Variants in MIPEP observed in about 807,000 individuals in gnomAD.
MIPEP encodes mitochondrial intermediate peptidase.
A neutral mutation model predicts 90.3 loss-of-function variants in MIPEP; 79 were observed. The ratio of observed to expected loss-of-function variants is 0.87; its 90% CI spans 0.73 to 1.05. The LOEUF (loss-of-function observed/expected upper bound fraction) is 1.05, where lower values mean the gene tolerates loss of function less well. Among genes scored for constraint, MIPEP ranks in the 50% least tolerant of loss-of-function variants. The pLI is 0.00. For synonymous variants in MIPEP, 334 were observed against 315.8 expected (o/e 1.06, Z -0.61); for missense variants, 940 against 905.6 (o/e 1.04, Z -0.49).
rs183894761 is a variant in MIPEP at position 23,831,537 on chromosome 13, C to G, written c.1653+4703G>C. Among the ~76,000 whole-genome samples the G allele has an allele frequency of 1.7e-3, 255 of 152,282 alleles. 1 individual carries two copies. The highest frequency in any genetic ancestry group is 4.6e-3 in the Admixed American group (71 of 15,304). ...GACTGGGCAACACATCCGGCAGCTC[C>G]TGGTGAGAGCCTTGTGCTGCATCAA... On this transcript the variant is annotated intron_variant, in intron 14 of 18. Transcript: ENST00000382172.
At chr13:23,857,416 A>T (rs757993271) in intron 10 of MIPEP, among the ~76,000 whole-genome samples, 2 of 152,200 alleles carry the variant, frequency 1.3e-5, no homozygotes, top group Non-Finnish European at 2.9e-5. Flanking sequence ...AAAAAAATTT[A>T]AAAATCAGCT....
intron 17 of MIPEP, among the ~76,000 whole-genome samples, chr13:23,758,226 A>G (rs1393477770): frequency 6.6e-6 from 1 of 152,058 alleles, no homozygotes; most frequent in Non-Finnish European, 1.5e-5. Flanking sequence ...CTGACCCTAA[A>G]TCAAATCCCT....
chr13:23,778,922 C>T (rs1952746302), intron 16 of MIPEP, among the ~76,000 whole-genome samples: 1 of 152,216 alleles, frequency 6.6e-6, no homozygotes, highest in Admixed American at 6.5e-5. Flanking sequence ...TCTGATTAAT[C>T]TCACTCTCCT....
chr13:23,831,721 A>G (rs192134897), intron 14 of MIPEP, among the ~76,000 whole-genome samples: 35 of 152,212 alleles, frequency 2.3e-4, no homozygotes, highest in South Asian at 8.3e-4. Context: ...GAGAGCTATT[A>G]CTCCATCTAA....
intron 14 of MIPEP, among the ~76,000 whole-genome samples, chr13:23,825,881 AGAGT>A (rs1228366923): frequency 6.6e-6 from 1 of 152,212 alleles, no homozygotes; most frequent in East Asian, 1.9e-4. Context: ...AAAAATTATG[AGAGT>A]GAGTATTAAC....
chr13:23,758,374 G>A (rs1031817965), intron 17 of MIPEP, among the ~76,000 whole-genome samples: 2 of 152,204 alleles, frequency 1.3e-5, no homozygotes, highest in Non-Finnish European at 1.5e-5. Flanking sequence ...CTAGTCTAGT[G>A]AGCATTTTTA....
chr13:23,760,275 T>C, intron 16 of MIPEP, 58 bp from the exon 17 acceptor site: 4 of 1,611,234 alleles, frequency 2.5e-6, no homozygotes, highest in Non-Finnish European at 8.5e-7. Flanking sequence ...TTGGAGAATA[T>C]CACATGTGAG....
chr13:23,844,201 C>T (rs867365304), intron 10 of MIPEP, among the ~76,000 whole-genome samples: 3 of 151,968 alleles, frequency 2.0e-5, no homozygotes, highest in South Asian at 4.2e-4. Context: ...GGGCAGACCC[C>T]TGAACTACCA....
chr13:23,760,215 G>A lies in MIPEP; in HGVS notation c.1851C>T (p.Ala617=). The A allele has an allele frequency of 6.2e-7, 1 of 1,614,044 alleles. No homozygotes were observed. Among genetic ancestry groups the A allele is most frequent in the Non-Finnish European group, 8.5e-7 (1 of 1,179,992 alleles). The change falls in exon 17 of 19, where the codon GCC becomes GCT. Residue 617 remains alanine, a splice_region_variant and synonymous_variant. Coordinates refer to ENST00000382172, the MANE Select transcript of MIPEP (RefSeq NM_005932.4). ...CGAGGTGGCTGAATCGCAGCTGCCAGGCCTGCCAAGAACAGAGAGACACAG... is the reference window on the plus strand; with the variant it reads ...CGAGGTGGCTGAATCGCAGCTGCCAAGCCTGCCAAGAACAGAGAGACACAG... The part of the protein sequence containing the change: ...FYGLPYVPNT[A]WQLRFSHLVG...
intron 10 of MIPEP, among the ~76,000 whole-genome samples, chr13:23,850,321 A>G (rs1415032734): frequency 6.6e-6 from 1 of 152,150 alleles, no homozygotes; most frequent in Non-Finnish European, 1.5e-5. Context: ...ATTTGGTTAC[A>G]TAGAGAAGGT....
At chr13:23,732,306 T>A (rs373447156) in intron 18 of MIPEP, among the ~76,000 whole-genome samples, 127 of 152,232 alleles carry the variant, frequency 8.3e-4, no homozygotes, top group Middle Eastern at 3.4e-3. Flanking sequence ...GACAAGGCTG[T>A]GTGCAACCTG....
chr13:23,754,739 G>A (rs1265229654), intron 18 of MIPEP, among the ~76,000 whole-genome samples: 1 of 152,192 alleles, frequency 6.6e-6, no homozygotes, highest in African/African-American at 2.4e-5. Context: ...CGGCTGCCAG[G>A]AACACACACC....
chr13:23,761,009 TC>T (rs1338714921), intron 16 of MIPEP, among the ~76,000 whole-genome samples: 4 of 152,202 alleles, frequency 2.6e-5, no homozygotes, highest in Non-Finnish European at 5.9e-5. Flanking sequence ...ACAAAAACCT[TC>T]CATGTTTTTA....
intron 16 of MIPEP, among the ~76,000 whole-genome samples, chr13:23,776,532 C>T (rs994133949): frequency 1.3e-5 from 2 of 152,136 alleles, no homozygotes; most frequent in African/African-American, 4.8e-5. Flanking sequence ...ATTTTTCACA[C>T]TGTCTTGTAC....
At chr13:23,822,569 T>C (rs190002157) in intron 14 of MIPEP, among the ~76,000 whole-genome samples, 10 of 152,334 alleles carry the variant, frequency 6.6e-5, no homozygotes, top group Admixed American at 2.6e-4. Context: ...CAATCAGCCA[T>C]TGCTGTGTGA....
At chr13:23,856,078 C>T (rs1252416806) in intron 10 of MIPEP, among the ~76,000 whole-genome samples, 1 of 152,218 alleles carries the variant, frequency 6.6e-6, no homozygotes, top group Admixed American at 6.5e-5. Flanking sequence ...AATGTTTGTT[C>T]TTGCAGAGCT....
At chr13:23,797,797 C>T (rs1952979480) in intron 16 of MIPEP, among the ~76,000 whole-genome samples, 2 of 152,208 alleles carry the variant, frequency 1.3e-5, no homozygotes, top group African/African-American at 4.8e-5. Context: ...CCCAATATAG[C>T]CTCGGTATTA....
intron 16 of MIPEP, among the ~76,000 whole-genome samples, chr13:23,782,615 C>G (rs1398599568): frequency 6.6e-6 from 1 of 152,064 alleles, no homozygotes; most frequent in African/African-American, 2.4e-5. Context: ...CAGAGAAGAA[C>G]TGAAGGAGAC....
At chr13:23,746,015 C>CTT (rs34752143) in intron 18 of MIPEP, among the ~76,000 whole-genome samples, 29,716 of 134,944 alleles carry the variant, frequency 0.22, 3,863 homozygotes, top group Non-Finnish European at 0.27. Flanking sequence ...ACTCAGCACA[C>CTT]TTTTTTTTTT....
Sources: gnomAD v4.1 joint callset for allele counts (sites outside exome capture counted in the v4.1 genomes callset) on GRCh38, gnomAD v4.1.1 for gene constraint, MANE v1.5 for transcripts, NCBI Gene and HGNC (gene_info 2026-07-23, HGNC 2026-07-21) for gene names.